Variants in SIPA1L1 observed in about 807,000 individuals in gnomAD.
SIPA1L1 encodes the protein signal induced proliferation associated 1 like 1.
SIPA1L1 carries 26 observed loss-of-function variants against 162.7 expected under a neutral mutation model. The ratio of observed to expected loss-of-function variants is 0.16; its 90% CI spans 0.12 to 0.22. SIPA1L1 has a LOEUF of 0.22. Ranked by LOEUF, SIPA1L1 falls within the 10% of genes least tolerant of loss-of-function variation. SIPA1L1 has a pLI of 1.00. For synonymous variants in SIPA1L1, 829 were observed against 837.4 expected (o/e 0.99, Z 0.17); for missense variants, 1,874 against 2,241.0 (o/e 0.84, Z 3.31).
rs117940967 is a variant in SIPA1L1 at position 71,558,595 on chromosome 14, G to A, written c.-302-28976G>A. Among the ~76,000 whole-genome samples the A allele has an allele frequency of 3.9e-5, 6 of 152,246 alleles. No homozygotes were observed. In the East Asian group the frequency reaches 9.7e-4, roughly 25 times the overall value. ...GTGAAAGCCGTGGTTGCTGTTGAAC[G>A]GGCATATGTGCACTTAGGTAGTTTG... On this transcript the variant is annotated intron_variant, in intron 4 of 23. Transcript: ENST00000381232.
intron 10 of SIPA1L1, among the ~76,000 whole-genome samples, chr14:71,664,345 A>C (rs1169484587): frequency 6.6e-6 from 1 of 152,176 alleles, no homozygotes; most frequent in African/African-American, 2.4e-5. Context: ...TTTTATTTAA[A>C]TCTAATTTAA....
chr14:71,343,833 G>T (rs1053599306), intron 2 of SIPA1L1, among the ~76,000 whole-genome samples: 1 of 152,124 alleles, frequency 6.6e-6, no homozygotes, highest in Non-Finnish European at 1.5e-5. Context: ...CAAGAACAGT[G>T]TTTACCTTAG....
intron 10 of SIPA1L1, among the ~76,000 whole-genome samples, chr14:71,664,488 A>G (rs1406351790): frequency 6.6e-6 from 1 of 152,212 alleles, no homozygotes; most frequent in Non-Finnish European, 1.5e-5. Flanking sequence ...ATAGGCATGC[A>G]GTGCATAATA....
intron 2 of SIPA1L1, among the ~76,000 whole-genome samples, chr14:71,507,867 T>TC (rs1222161107): frequency 6.6e-6 from 1 of 152,190 alleles, no homozygotes; most frequent in Non-Finnish European, 1.5e-5. Context: ...CTCTCTTGAC[T>TC]CCATCATTCT....
intron 2 of SIPA1L1, among the ~76,000 whole-genome samples, chr14:71,495,816 A>G (rs1278703148): frequency 1.4e-5 from 2 of 147,434 alleles, no homozygotes; most frequent in Non-Finnish European, 3.0e-5. Flanking sequence ...TTGAGAGGCC[A>G]AGGTGGGAGG....
chr14:71,661,624 A>G (rs1177318914), intron 10 of SIPA1L1, among the ~76,000 whole-genome samples, 157 bp downstream of exon 10: 1 of 152,142 alleles, frequency 6.6e-6, no homozygotes, highest in African/African-American at 2.4e-5. Flanking sequence ...TCACATGATG[A>G]TGTAATCTGG....
In SIPA1L1 at chr14:71,710,586, T is replaced by A. The variant is rs931774892; in HGVS notation, c.4208+922T>A. ...ACTTTGGGAGGCCGAGGTGGGCAGA[T>A]CACTTGAGGTCAGGAGTTTGAGACC... is the stretch of plus-strand genomic sequence containing the variant. On this transcript the variant is annotated intron_variant, in intron 17 of 23. Transcript: ENST00000381232. 3.3e-5 allele frequency among the ~76,000 whole-genome samples: 5 copies of A among 152,192 alleles called. No individual in the cohort carries two copies. In the East Asian group the frequency reaches 9.7e-4, roughly 29 times the overall value.
chr14:71,618,822 A>G lies in SIPA1L1; in HGVS notation c.1564A>G (p.Lys522Glu). Residue 522 changes from lysine (K) to glutamate (E), a missense_variant, in exon 6 of 24, where the codon AAA becomes GAA. Transcript: ENST00000381232. The part of the protein sequence containing the change: ...GPVAVSIRRE[K>E]PDEMKENGSP... The stretch of plus-strand genomic sequence containing the variant: ...AGTGGCTGTGAGCATTCGAAGGGAA[A>G]AACCAGATGAAATGAAAGAAAATGG... The G allele has an allele frequency of 1.9e-6, 3 of 1,614,090 alleles. No individual in the cohort carries two copies. Among genetic ancestry groups the G allele is most frequent in the South Asian group, 1.1e-5 (1 of 91,070 alleles).
At position 71,691,797 on chromosome 14, in the gene SIPA1L1, C is replaced by T. The variant is rs12589249; in HGVS notation, c.3374+6166C>T. On this transcript the variant is annotated intron_variant, in intron 13 of 23. Coordinates refer to ENST00000381232, the MANE Select transcript of SIPA1L1 (RefSeq NM_001386936.1). ...TGCCATGCCTGCTCCTCTGACAAGT[C>T]GCCTTTAATTTCCCCAAAACACTCT... 2.4e-3 allele frequency among the ~76,000 whole-genome samples: 362 copies of T among 152,288 alleles called. 1 individual carries two copies. In the East Asian group the frequency reaches 0.051, roughly 22 times the overall value.
intron 8 of SIPA1L1, among the ~76,000 whole-genome samples, chr14:71,655,863 A>T (rs979861710): frequency 2.0e-5 from 3 of 151,700 alleles, no homozygotes; most frequent in South Asian, 4.2e-4. Context: ...GAGATTCTGG[A>T]TATTAGTCTT....
At chr14:71,496,945 G>C (rs1252729921) in intron 2 of SIPA1L1, among the ~76,000 whole-genome samples, 1 of 152,154 alleles carries the variant, frequency 6.6e-6, no homozygotes, top group Admixed American at 6.6e-5. Flanking sequence ...GCCGAGGCAG[G>C]AGGATCATGA....
intron 2 of SIPA1L1, among the ~76,000 whole-genome samples, chr14:71,404,196 G>A (rs911073322): frequency 6.6e-6 from 1 of 152,088 alleles, no homozygotes; most frequent in East Asian, 1.9e-4. Context: ...TAACCAAAAA[G>A]CATTCTTTTA....
intron 2 of SIPA1L1, chr14:71,330,669 C>T: frequency 1.1e-6 from 1 of 877,386 alleles, no homozygotes; most frequent in Non-Finnish European, 2.0e-6. Context: ...GGTGGGGTAC[C>T]CTCTCATGAG....
At chr14:71,564,293 T>C (rs2029865176) in intron 4 of SIPA1L1, among the ~76,000 whole-genome samples, 1 of 151,958 alleles carries the variant, frequency 6.6e-6, no homozygotes, top group Non-Finnish European at 1.5e-5. Context: ...CTTAAAGTTA[T>C]ACTCTCTATA....
chr14:71,612,979 A>G (rs1238098165), intron 5 of SIPA1L1, among the ~76,000 whole-genome samples: 2 of 152,206 alleles, frequency 1.3e-5, no homozygotes, highest in Non-Finnish European at 2.9e-5. Flanking sequence ...CTAATAAGAA[A>G]ACTTCACACT....
At chr14:71,718,704 C>T (rs1223817934) in intron 17 of SIPA1L1, among the ~76,000 whole-genome samples, 1 of 152,168 alleles carries the variant, frequency 6.6e-6, no homozygotes, top group Non-Finnish European at 1.5e-5. Flanking sequence ...TGTTTTGGGA[C>T]TTTATATAAT....
chr14:71,350,226 AACAC>A (rs10664371), intron 2 of SIPA1L1, among the ~76,000 whole-genome samples: 2,275 of 146,760 alleles, frequency 0.016, 19 homozygotes, highest in Non-Finnish European at 0.021. Context: ...GTCTCTACTA[AACAC>A]ACACACACAC....
intron 2 of SIPA1L1, among the ~76,000 whole-genome samples, chr14:71,452,198 C>T (rs1026293817): frequency 6.6e-6 from 1 of 151,738 alleles, no homozygotes; most frequent in Non-Finnish European, 1.5e-5. Context: ...CATTTCAGTA[C>T]CAACCACCCC....
chr14:71,682,041 C>A (rs1388776420), intron 12 of SIPA1L1, among the ~76,000 whole-genome samples: 1 of 152,186 alleles, frequency 6.6e-6, no homozygotes, highest in African/African-American at 2.4e-5. Context: ...TAAAATAAGA[C>A]TAACTTACAC....
Sources: allele counts gnomAD v4.1 joint callset (sites outside exome capture counted in the v4.1 genomes callset), GRCh38; gene constraint gnomAD v4.1.1; transcripts MANE v1.5; gene names NCBI Gene and HGNC (gene_info 2026-07-23, HGNC 2026-07-21).